RAB3C: variants seen among roughly 807,000 people sequenced by gnomAD.
RAB3C encodes the protein RAB3C, member RAS oncogene family.
In RAB3C, 17 loss-of-function variants were observed where a neutral mutation model predicts 26.4. That is an observed-to-expected ratio of 0.64 (90% confidence interval 0.44 to 0.97). The LOEUF (loss-of-function observed/expected upper bound fraction) is 0.97. Ranked by LOEUF, RAB3C falls within the 50% of genes least tolerant of loss-of-function variation. RAB3C has a pLI of 0.00. For missense variants in RAB3C, 242 were observed against 281.9 expected, an observed-to-expected ratio of 0.86 and a Z score of 1.01; for synonymous variants, 91 against 95.9, an observed-to-expected ratio of 0.95 and a Z score of 0.30.
chr5:58,742,814 A>G (rs1741305735), intron 3 of RAB3C, among the ~76,000 whole-genome samples: 1 of 152,202 alleles, frequency 6.6e-6, no homozygotes, highest in African/African-American at 2.4e-5. Context: ...ATATGATTTC[A>G]TTTATGTAGC....
Position 58,851,223 on chromosome 5 carries a change from C to A in RAB3C, c.556C>A (p.Arg186Ser), listed in dbSNP as rs199852469. The A allele has an allele frequency of 3.7e-6, 6 of 1,613,548 alleles. No homozygotes were observed. In the East Asian group the frequency reaches 1.1e-4, roughly 30 times the overall value. ...DNINVKQTFE[R>S]LVDIICDKMS... ...CATTAATGTCAAGCAGACATTTGAG[C>A]GCCTTGTGGATATCATCTGCGACAA... Residue 186 changes from arginine (R) to serine (S), a missense_variant, in exon 5 of 5, where the codon CGC becomes AGC. Transcript: ENST00000282878.
Position 58,819,914 on chromosome 5 carries a change from TATG to T in RAB3C, c.372-5121_372-5119del, listed in dbSNP as rs201473269. 6.2e-4 allele frequency among the ~76,000 whole-genome samples: 95 copies of T among 152,312 alleles called. 2 individuals carry two copies. In the East Asian group the frequency reaches 0.018, roughly 28 times the overall value. ...ATATGCCTTTTCATCAATGGCTTCT[TATG>T]ATCACTATGCAGCAAGACCAAATGT... On this transcript the variant is annotated intron_variant, in intron 3 of 4. Coordinates refer to ENST00000282878, the MANE Select transcript of RAB3C (RefSeq NM_138453.4).
At chr5:58,745,399 A>AAG (rs1741380168) in intron 3 of RAB3C, among the ~76,000 whole-genome samples, 2 of 142,338 alleles carry the variant, frequency 1.4e-5, no homozygotes, top group Admixed American at 6.8e-5. Flanking sequence ...CTTCAAAAAA[A>AAG]AAAAAAAAAA....
intron 2 of RAB3C, among the ~76,000 whole-genome samples, chr5:58,673,271 A>C (rs746949378): frequency 3.3e-5 from 5 of 152,066 alleles, no homozygotes; most frequent in Non-Finnish European, 7.4e-5. Context: ...TCTTTGAGTA[A>C]TTTCAGATAT....
chr5:58,809,636 G>A (rs1416759159), intron 3 of RAB3C, among the ~76,000 whole-genome samples: 1 of 152,150 alleles, frequency 6.6e-6, no homozygotes, highest in Non-Finnish European at 1.5e-5. Context: ...GGTATTTGGA[G>A]GTCAAGCCTC....
chr5:58,745,958 C>G (rs139903648), intron 3 of RAB3C, among the ~76,000 whole-genome samples: 1 of 152,210 alleles, frequency 6.6e-6, no homozygotes, highest in Non-Finnish European at 1.5e-5. Context: ...CAAGCCCAAT[C>G]TTATCCTACA....
chr5:58,697,724 T>C (rs1051513703), intron 2 of RAB3C, among the ~76,000 whole-genome samples: 2 of 152,234 alleles, frequency 1.3e-5, no homozygotes, highest in Admixed American at 1.3e-4. Flanking sequence ...AAGTCTGTTT[T>C]ATCCGAGACT....
At chr5:58,594,774 T>TAAATGTTTAGTGTTTTTAA (rs1057481376) in intron 1 of RAB3C, among the ~76,000 whole-genome samples, 3 of 151,734 alleles carry the variant, frequency 2.0e-5, no homozygotes, top group African/African-American at 7.3e-5. Context: ...TGATATTTTT[T>TAAATGTTTAGTGTTTTTAA]AAATGTTTAG....
intron 3 of RAB3C, among the ~76,000 whole-genome samples, chr5:58,728,283 C>T (rs981367473): frequency 6.6e-6 from 1 of 152,016 alleles, no homozygotes; most frequent in East Asian, 1.9e-4. Flanking sequence ...GTTAATAGAT[C>T]CACCATCACC....
At chr5:58,696,618 A>G (rs1748705804) in intron 2 of RAB3C, among the ~76,000 whole-genome samples, 1 of 152,148 alleles carries the variant, frequency 6.6e-6, no homozygotes, top group Admixed American at 6.5e-5. Flanking sequence ...TGGTCTATTC[A>G]GAGATTAAAC....
intron 3 of RAB3C, among the ~76,000 whole-genome samples, chr5:58,735,098 A>G (rs937522418): frequency 2.0e-5 from 3 of 152,204 alleles, no homozygotes; most frequent in Non-Finnish European, 4.4e-5. Flanking sequence ...TGCGAGGCCC[A>G]TCACAGTTTT....
intron 3 of RAB3C, among the ~76,000 whole-genome samples, chr5:58,824,109 T>C (rs1487534481): frequency 1.3e-5 from 2 of 152,066 alleles, no homozygotes; most frequent in Non-Finnish European, 1.5e-5. Context: ...CCACATTTTC[T>C]TAATCCAGTC....
intron 1 of RAB3C, among the ~76,000 whole-genome samples, chr5:58,584,958 C>T (rs547888708): frequency 6.6e-6 from 1 of 151,846 alleles, no homozygotes; most frequent in African/African-American, 2.4e-5. Flanking sequence ...GTAGTAGGCA[C>T]TGTGATTTTC....
chr5:58,653,635 C>T (rs1388861339), intron 2 of RAB3C, among the ~76,000 whole-genome samples: 2 of 152,126 alleles, frequency 1.3e-5, no homozygotes, highest in African/African-American at 2.4e-5. Context: ...AGAATGAGTT[C>T]GTGTCCTTTG....
At chr5:58,708,445 C>T (rs1007544480) in intron 2 of RAB3C, among the ~76,000 whole-genome samples, 4 of 152,158 alleles carry the variant, frequency 2.6e-5, no homozygotes, top group African/African-American at 9.7e-5. Context: ...AGGGATCAGA[C>T]CCTGACCTTA....
At position 58,851,458 on chromosome 5, in the gene RAB3C, A is replaced by T; in HGVS notation, c.*107A>T. On this transcript the variant is annotated 3_prime_UTR_variant, in exon 5 of 5. Transcript: ENST00000282878. The stretch of plus-strand genomic sequence containing the variant: ...ATACTGCCTAACAATTATTTGAAGG[A>T]ATAAATTGATGTCAATGGCTCGTAC... 1.1e-6 allele frequency: 1 copy of T among 919,808 alleles called. No individual in the cohort carries two copies. Among genetic ancestry groups the T allele is most frequent in the Non-Finnish European group, 1.6e-6 (1 of 630,720 alleles). 57.0% of individuals were successfully genotyped at this position (919,808 alleles called of 1,614,324 possible).
chr5:58,741,480 C>G (rs1464521998), intron 3 of RAB3C: 1 of 152,148 alleles, frequency 6.6e-6, no homozygotes, highest in Non-Finnish European at 1.5e-5. Flanking sequence ...CAAATATGCT[C>G]TATGGGGCCC....
rs1744226308 is a variant in RAB3C at position 58,854,902 on chromosome 5, A to T, written c.*3551A>T. 9.2e-5 allele frequency: 14 copies of T among 152,162 alleles called. No individual in the cohort carries two copies. The highest frequency in any genetic ancestry group is 9.2e-4 in the Admixed American group (14 of 15,264). The allele number at this position is 152,162 out of a possible 1,614,324, so 9.4% of individuals were successfully genotyped here. A position where few individuals can be genotyped will look rare whatever the true frequency, so the allele number is the denominator to read the frequency against. ...CATATTAATTATAGGCCTTTTGTTT[A>T]GTACACTGGTTATTTTTTAAGGAAC... On this transcript the variant is annotated 3_prime_UTR_variant, in exon 5 of 5. Transcript: ENST00000282878.
At chr5:58,605,278 C>T (rs1252687824) in intron 1 of RAB3C, among the ~76,000 whole-genome samples, 3 of 152,078 alleles carry the variant, frequency 2.0e-5, no homozygotes, top group Non-Finnish European at 4.4e-5. Context: ...ACAGTGCAAG[C>T]CTCCATACAC....
Sources: allele counts gnomAD v4.1 joint callset (sites outside exome capture counted in the v4.1 genomes callset), GRCh38; gene constraint gnomAD v4.1.1; transcripts MANE v1.5; gene names NCBI Gene and HGNC (gene_info 2026-07-23, HGNC 2026-07-21).